Variants in SLC43A3 observed in about 807,000 individuals in gnomAD.
SLC43A3 encodes equilibrative nucleobase transporter 1.
Under a neutral mutation model 53.3 loss-of-function variants are expected in SLC43A3, and 33 were observed. The ratio of observed to expected loss-of-function variants is 0.62; its 90% CI spans 0.47 to 0.83. SLC43A3 has a LOEUF of 0.83. Among genes scored for constraint, SLC43A3 ranks in the 40% least tolerant of loss-of-function variants. The pLI is 0.00. For missense variants in SLC43A3, 530 were observed against 610.0 expected, an observed-to-expected ratio of 0.87 and a Z score of 1.38; for synonymous variants, 236 against 246.2, an observed-to-expected ratio of 0.96 and a Z score of 0.39.
intron 11 of SLC43A3, among the ~76,000 whole-genome samples, chr11:57,411,939 T>C (rs1942494014): frequency 6.6e-6 from 1 of 152,044 alleles, no homozygotes; most frequent in African/African-American, 2.4e-5. Context: ...ATCAAGGAAA[T>C]AAAAATTTGA....
rs1461246730 is a variant in SLC43A3 at position 57,417,738 on chromosome 11, T to G, written c.671+10A>C. On this transcript the variant is annotated intron_variant, in intron 8 of 13. Coordinates refer to ENST00000395124, the MANE Select transcript of SLC43A3 (RefSeq NM_199329.3). Reference sequence around the variant, plus strand: ...GGGGCTCTGGCCCACAATCACCAGATAGTCCTTACCCATAGCTGTAGTTGG... The same window carrying G: ...GGGGCTCTGGCCCACAATCACCAGAGAGTCCTTACCCATAGCTGTAGTTGG... The G allele has an allele frequency of 6.2e-7, 1 of 1,613,994 alleles. No homozygotes were observed. Among genetic ancestry groups the G allele is most frequent in the Non-Finnish European group, 8.5e-7 (1 of 1,179,938 alleles).
intron 7 of SLC43A3, 32 bp from the exon 8 acceptor site, chr11:57,417,919 C>A (rs1489808658): frequency 6.2e-7 from 1 of 1,607,532 alleles, no homozygotes. Context: ...GTCAGTGTCA[C>A]ACCCACGTTC....
In SLC43A3 at chr11:57,409,986, A is replaced by G; in HGVS notation, c.1196T>C (p.Val399Ala). ...PLQYLTFILQ[V>A]ISRSFLYGSN... is the part of the protein sequence containing the mutation. ...CCCATAGAGGAAGGAGCGGCTGATC[A>G]CTTGCAGGATGAAGGTGAGGTACTG... The change falls in exon 12 of 14, where the codon GTG (valine) becomes GCG (alanine). Residue 399 changes from valine (V) to alanine (A), a missense_variant. Coordinates refer to ENST00000395124, the MANE Select transcript of SLC43A3 (RefSeq NM_199329.3). The G allele has an allele frequency of 2.5e-6, 4 of 1,613,300 alleles. No homozygotes were observed. Among genetic ancestry groups the G allele is most frequent in the Non-Finnish European group, 3.4e-6 (4 of 1,179,784 alleles).
intron 9 of SLC43A3, among the ~76,000 whole-genome samples, chr11:57,415,806 GTAAAAA>G (rs1942693252): frequency 2.0e-5 from 3 of 151,932 alleles, no homozygotes; most frequent in Non-Finnish European, 4.4e-5. Context: ...TTGTCAGATG[GTAAAAA>G]TAAAAACAAA....
chr11:57,410,260 A>T, intron 11 of SLC43A3, 139 bp from the exon 12 acceptor site: 2 of 649,806 alleles, frequency 3.1e-6, no homozygotes, highest in Non-Finnish European at 5.1e-6. Context: ...TCATCCTCGA[A>T]TCCTTTCCCC....
In SLC43A3 at chr11:57,414,986, A is replaced by G. The variant is rs370432234; in HGVS notation, c.890T>C (p.Ile297Thr). ...SVIQLWHYLFIGTLNSLLTNM... is the reference protein window; with the variant it reads ...SVIQLWHYLFTGTLNSLLTNM... The stretch of plus-strand genomic sequence containing the variant: ...GGTCAGCAAGGAGTTGAGAGTGCCA[A>G]TGAAGAGGTAGTGCCACAACTGTAT... Residue 297 changes from isoleucine to threonine, a missense_variant, in exon 10 of 14, where the codon ATT (isoleucine) becomes ACT (threonine). Physicochemically the swap from Ile to Thr is moderately conservative, Grantham distance 89. Around this residue, in one of 3 missense-constraint regions of SLC43A3, gnomAD observed 376 missense variants for 386.7 expected, o/e 0.97. Coordinates refer to ENST00000395124, the MANE Select transcript of SLC43A3 (RefSeq NM_199329.3). 1.1e-5 allele frequency: 18 copies of G among 1,613,914 alleles called. No homozygotes were observed. The African/African-American group carries it at 1.3e-4, about 12-fold the overall frequency.
chr11:57,412,743 G>T (rs1942532340), intron 11 of SLC43A3, among the ~76,000 whole-genome samples: 2 of 151,870 alleles, frequency 1.3e-5, no homozygotes, highest in African/African-American at 4.8e-5. Flanking sequence ...GGGAGGCGGA[G>T]GTCGCAGTAG....
chr11:57,416,983 G>A (rs939095510), intron 8 of SLC43A3, among the ~76,000 whole-genome samples: 1 of 152,190 alleles, frequency 6.6e-6, no homozygotes, highest in Non-Finnish European at 1.5e-5. Flanking sequence ...ACAGAAAGAT[G>A]GCTCAGACTT....
intron 5 of SLC43A3, chr11:57,423,734 G>A (rs1034570991): frequency 3.0e-5 from 13 of 439,102 alleles, no homozygotes; most frequent in African/African-American, 2.2e-4. Flanking sequence ...CTGGCCAGAT[G>A]TAAAGTTTTG....
At chr11:57,424,153 C>CA in intron 4 of SLC43A3, 125 bp from the exon 5 acceptor site, 2 of 905,580 alleles carry the variant, frequency 2.2e-6, no homozygotes, top group Non-Finnish European at 3.5e-6. Context: ...TGGGATGCAA[C>CA]GGGCACTGAT....
rs768866370 is a variant in SLC43A3 at position 57,421,032 on chromosome 11, G to A, written c.471C>T (p.Thr157=). 1.4e-5 allele frequency: 23 copies of A among 1,613,758 alleles called. No individual in the cohort carries two copies. Among genetic ancestry groups the A allele is most frequent in the African/African-American group, 2.7e-5 (2 of 74,916 alleles). ...IGNLFGQHRS[T]IITLYNGAFD... ...ATGCTCCATTGTACAGAGTGATGATGGTCGAACGGTGTTGGCCAAATAGGT... is the reference window on the plus strand; with the variant it reads ...ATGCTCCATTGTACAGAGTGATGATAGTCGAACGGTGTTGGCCAAATAGGT... Residue 157 remains threonine, a synonymous_variant, in exon 7 of 14, where the codon ACC becomes ACT. Transcript: ENST00000395124.
chr11:57,409,421 A>C, intron 12 of SLC43A3, 123 bp from the exon 13 acceptor site: 1 of 1,088,442 alleles, frequency 9.2e-7, no homozygotes, highest in Non-Finnish European at 1.3e-6. Flanking sequence ...CTGCCCTCCA[A>C]CCACACCTGT....
In SLC43A3 at chr11:57,417,791, G is replaced by C. The variant is rs768183160; in HGVS notation, c.628C>G (p.Arg210Gly). The change falls in exon 8 of 14, where the codon CGG (arginine) becomes GGG (glycine). Residue 210 changes from arginine to glycine, a missense_variant. Arg to Gly is a moderately radical substitution (Grantham distance 125, BLOSUM62 -2). Transcript: ENST00000395124. ...GGCAGTGGGTATGGGATGTGCCCCC[G>C]GGGCATCAGGAGGAAAGTGCGTGCT... ...HVARTFLLMP[R>G]GHIPYPLPPN... is the part of the protein sequence containing the mutation. The C allele has an allele frequency of 6.2e-6, 10 of 1,614,094 alleles. No individual in the cohort carries two copies. The highest frequency in any genetic ancestry group is 5.1e-6 in the Non-Finnish European group (6 of 1,179,984).
chr11:57,415,104 T>C lies in SLC43A3; in HGVS notation c.772A>G (p.Thr258Ala), dbSNP rs1942655494. Reference sequence around the variant, plus strand: ...TCCTGCTTCTGCCCTGCCCCTGGGGTCTCTAATGGGGAGAGGAGGATCTGG... The same window carrying C: ...TCCTGCTTCTGCCCTGCCCCTGGGGCCTCTAATGGGGAGAGGAGGATCTGG... ...SKEFLSAKEE[T>A]PGAGQKQELR... The change falls in exon 10 of 14, where the codon ACC (threonine) becomes GCC (alanine). Residue 258 changes from threonine (T) to alanine (A), a missense_variant and splice_region_variant. Physicochemically the swap from Thr to Ala is moderately conservative, Grantham distance 58. Around this residue, in one of 3 missense-constraint regions of SLC43A3, gnomAD observed 376 missense variants for 386.7 expected, o/e 0.97. Transcript: ENST00000395124. 2 of 1,607,368 alleles carry C rather than the reference T, an allele frequency of 1.2e-6. No individual in the cohort carries two copies. Among genetic ancestry groups the C allele is most frequent in the African/African-American group, 1.3e-5 (1 of 74,720 alleles).
chr11:57,424,014 G>C lies in SLC43A3; in HGVS notation c.329C>G (p.Thr110Ser). The change falls in exon 5 of 14, where the codon ACC (threonine) becomes AGC (serine). Residue 110 changes from threonine to serine, a missense_variant. By Grantham distance (58) the Thr-to-Ser change is moderately conservative. Transcript: ENST00000395124. ...ARLIAIFFYT[T>S]ATLIIAFTSA... ...GGTGAAGGCTATGATGAGTGTGGCG[G>C]TGGTGTAGAAAAATCTGAAACACAT... The C allele has an allele frequency of 6.2e-7, 1 of 1,614,178 alleles. No homozygotes were observed. The highest frequency in any genetic ancestry group is 8.5e-7 in the Non-Finnish European group (1 of 1,180,000).
intron 11 of SLC43A3, among the ~76,000 whole-genome samples, chr11:57,414,250 C>T (rs971328570): frequency 6.6e-6 from 1 of 152,194 alleles, no homozygotes; most frequent in African/African-American, 2.4e-5. Flanking sequence ...GTGCTTCACG[C>T]CTGTTATCCC....
At chr11:57,407,984 G>T in intron 13 of SLC43A3, 88 bp from the exon 14 acceptor site, 1 of 833,650 alleles carries the variant, frequency 1.2e-6, no homozygotes, top group Non-Finnish European at 2.0e-6. Context: ...TCCATTCCAT[G>T]ACCAATGAAG....
intron 7 of SLC43A3, 55 bp from the exon 8 acceptor site, chr11:57,417,942 T>C (rs1942796804): frequency 7.0e-6 from 11 of 1,565,460 alleles, no homozygotes; most frequent in East Asian, 4.6e-5. Flanking sequence ...AGCAGCACTA[T>C]TCACAATAGC....
intron 5 of SLC43A3, among the ~76,000 whole-genome samples, chr11:57,423,496 T>C (rs1342247375): frequency 6.6e-6 from 1 of 152,210 alleles, no homozygotes; most frequent in African/African-American, 2.4e-5. Context: ...TGGTGTGATC[T>C]TGGCTCACTG....
Sources: gnomAD v4.1 joint callset for allele counts (sites outside exome capture counted in the v4.1 genomes callset) on GRCh38, gnomAD v4.1.1 for gene constraint, gnomAD v4.1.1 regional missense constraint, MANE v1.5 for transcripts, NCBI Gene and HGNC (gene_info 2026-07-23, HGNC 2026-07-21) for gene names.